The following LZTR1 variants were observed in gnomAD, a reference collection of about 807,000 sequenced individuals.
LZTR1 encodes leucine zipper like post translational regulator 1, also known as leucine-zipper-like transcriptional regulator 1.
Under a neutral mutation model 105.7 loss-of-function variants are expected in LZTR1, and 260 were observed. The observed-to-expected ratio is 2.46, with a 90% CI of 2.22 to 2.72. The LOEUF (loss-of-function observed/expected upper bound fraction) is 2.72. Among genes scored for constraint, LZTR1 ranks in the 30% most tolerant of loss-of-function variants. LZTR1 has a pLI of 0.00. For synonymous variants in LZTR1, 490 were observed against 476.4 expected (o/e 1.03, Z -0.37); for missense variants, 1,214 against 1,166.9 (o/e 1.04, Z -0.59).
In LZTR1 at chr22:20,990,397, TG is replaced by T; in HGVS notation, c.665del (p.Gly222AlafsTer30). 1.9e-6 allele frequency: 3 copies of T among 1,613,864 alleles called. No individual in the cohort carries two copies. Among genetic ancestry groups the T allele is most frequent in the Non-Finnish European group, 2.5e-6 (3 of 1,179,976 alleles). ...LTCWEEVAQSGEIPPSCCNFP... is the reference protein window; with the variant it reads ...LTCWEEVAQSXEIPPSCCNFP... ...CTCTCCCCCTGCAGGTGGCCCAGAGTGGCGAGATCCCCCCATCTTGCTGCAA... is the reference window on the plus strand; with the variant it reads ...CTCTCCCCCTGCAGGTGGCCCAGAGTGCGAGATCCCCCCATCTTGCTGCAA... On this transcript the variant is annotated frameshift_variant, in exon 8 of 21. Coordinates refer to ENST00000646124, the MANE Select transcript of LZTR1 (RefSeq NM_006767.4). LOFTEE classifies it high-confidence loss of function.
chr22:20,984,622 G>GGGGGT (rs1555927169), intron 2 of LZTR1, among the ~76,000 whole-genome samples: 3 of 132,884 alleles, frequency 2.3e-5, no homozygotes, highest in African/African-American at 2.8e-5. Context: ...GAGGGGGGGG[G>GGGGGT]GGCGGTATCA....
In LZTR1 at chr22:20,996,695, G is replaced by A; in HGVS notation, c.2220-1G>A. The A allele has an allele frequency of 6.2e-7, 1 of 1,613,346 alleles. No homozygotes were observed. On this transcript the variant is annotated splice_acceptor_variant, in intron 18 of 20. Coordinates refer to ENST00000646124, the MANE Select transcript of LZTR1 (RefSeq NM_006767.4). LOFTEE classifies it high-confidence loss of function. ...TAGTCAGCTCCTTAACCAGGCCCCA[G>A]CTACTTGTTTGCGGCCCCCTACTAC...
In LZTR1 at chr22:20,997,649, G is replaced by C. The variant is rs1190572312; in HGVS notation, c.*301G>C. The stretch of plus-strand genomic sequence containing the variant: ...GTGATGGGCTCACCACCCAGAAGTG[G>C]GGAGAGACTTTGGGCCTCCCACCCA... On this transcript the variant is annotated 3_prime_UTR_variant, in exon 21 of 21. Coordinates refer to ENST00000646124, the MANE Select transcript of LZTR1 (RefSeq NM_006767.4). The C allele has an allele frequency of 3.7e-6, 1 of 273,394 alleles. No homozygotes were observed. The highest frequency in any genetic ancestry group is 7.7e-5 in the East Asian group (1 of 13,020). 16.9% of individuals were successfully genotyped at this position (273,394 alleles called of 1,614,324 possible).
At chr22:20,984,098 C>G (rs1924291383) in intron 2 of LZTR1, among the ~76,000 whole-genome samples, 1 of 152,208 alleles carries the variant, frequency 6.6e-6, no homozygotes, top group Non-Finnish European at 1.5e-5. Context: ...CCTGCCCCTC[C>G]TCTGATGTTT....
chr22:20,995,290 C>T (rs178293), intron 16 of LZTR1: 88,724 of 671,008 alleles, frequency 0.13, 6,427 homozygotes, highest in East Asian at 0.16. Context: ...GCACCTCTTT[C>T]GGGCTAGGAT....
intron 6 of LZTR1, 75 bp downstream of exon 6, chr22:20,988,947 G>A: frequency 7.4e-7 from 1 of 1,343,566 alleles, no homozygotes; most frequent in South Asian, 1.2e-5. Flanking sequence ...TGGCATTTGA[G>A]GGCTTAGGCT....
chr22:20,993,434 T>C, intron 11 of LZTR1: 1 of 586,480 alleles, frequency 1.7e-6, no homozygotes, highest in East Asian at 2.8e-5. Context: ...AGGGGAGCCC[T>C]TTCCTGCTGT....
At chr22:20,994,040 G>A (rs1435420702) in intron 13 of LZTR1, 21 bp downstream of exon 13, 7 of 1,595,274 alleles carry the variant, frequency 4.4e-6, no homozygotes, top group Non-Finnish European at 6.0e-6. Context: ...TAACCGCCCT[G>A]CCCTGACCTG....
rs1924714419 is a variant in LZTR1 at position 20,994,111 on chromosome 22, A to T, written c.1457A>T (p.Glu486Val). 6.3e-7 allele frequency: 1 copy of T among 1,579,574 alleles called. No individual in the cohort carries two copies. Among genetic ancestry groups the T allele is most frequent in the Non-Finnish European group, 8.6e-7 (1 of 1,160,878 alleles). ...QARERLAQKLEQEAAPVPREA... is the reference protein window; with the variant it reads ...QARERLAQKLVQEAAPVPREA... ...GCTCCCTTCTCCCCACAGAAGCTGG[A>T]GCAGGAGGCCGCCCCAGTTCCCAGG... The change falls in exon 14 of 21, where the codon GAG becomes GTG. Residue 486 changes from glutamate to valine, a missense_variant. Transcript: ENST00000646124.
chr22:20,993,960 AC>A lies in LZTR1; in HGVS notation c.1391del (p.Thr464LysfsTer92). 1.2e-6 allele frequency: 2 copies of A among 1,612,796 alleles called. No homozygotes were observed. The highest frequency in any genetic ancestry group is 1.7e-6 in the Non-Finnish European group (2 of 1,179,902). ...ECVQGHVAIV[T>X]ARSRWLRRKI... ...CGTGCAGGGCCACGTAGCCATTGTC[AC>A]AGCGCGGAGCCGCTGGCTTCGCAGG... On this transcript the variant is annotated frameshift_variant, in exon 13 of 21. Coordinates refer to ENST00000646124, the MANE Select transcript of LZTR1 (RefSeq NM_006767.4). LOFTEE classifies it high-confidence loss of function.
At position 20,990,531 on chromosome 22, in the gene LZTR1, T is replaced by A. The variant is rs540691255; in HGVS notation, c.791+6T>A. On this transcript the variant is annotated splice_donor_region_variant and intron_variant, in intron 8 of 20. Transcript: ENST00000646124. ...TTTGAATTCAAGGACAAGACGTGAGTACTCTGGCCAGTGGGGTGGAGGGAG... is the reference window on the plus strand; with the variant it reads ...TTTGAATTCAAGGACAAGACGTGAGAACTCTGGCCAGTGGGGTGGAGGGAG... 1 of 1,605,036 alleles carries A rather than the reference T, an allele frequency of 6.2e-7. No homozygotes were observed. Among genetic ancestry groups the A allele is most frequent in the Non-Finnish European group, 8.5e-7 (1 of 1,174,274 alleles).
chr22:20,993,609 C>T (rs1924681452), intron 11 of LZTR1, 53 bp from the exon 12 acceptor site: 1 of 1,514,404 alleles, frequency 6.6e-7, no homozygotes, highest in Non-Finnish European at 9.1e-7. Context: ...CACAGCCACA[C>T]TGGGGCCACC....
At position 20,996,273 on chromosome 22, in the gene LZTR1, C is replaced by T. The variant is rs895790183; in HGVS notation, c.2219+161C>T. 49 of 772,694 alleles carry T rather than the reference C, an allele frequency of 6.3e-5. No individual in the cohort carries two copies. In the African/African-American group the frequency reaches 7.9e-4, roughly 12 times the overall value. The allele number at this position is 772,694 out of a possible 1,614,324, so 47.9% of individuals were successfully genotyped here. A position where few individuals can be genotyped will look rare whatever the true frequency, so the allele number is the denominator to read the frequency against. On this transcript the variant is annotated intron_variant, in intron 18 of 20. Transcript: ENST00000646124. Reference sequence around the variant, plus strand: ...TGCCTGGGGCTGGGCCTGGTGCTCTCTGAAGCAGTTGGCAGCTGGCAAGGA... The same window carrying T: ...TGCCTGGGGCTGGGCCTGGTGCTCTTTGAAGCAGTTGGCAGCTGGCAAGGA...
At chr22:20,986,096 C>A in intron 3 of LZTR1, 199 bp downstream of exon 3, 1 of 604,700 alleles carries the variant, frequency 1.7e-6, no homozygotes, top group Non-Finnish European at 2.9e-6. Context: ...CACCCCGCAC[C>A]TGCAGCTGCC....
rs769539981 is a variant in LZTR1 at position 20,994,572 on chromosome 22, G to C, written c.1630G>C (p.Val544Leu). ...KYPRKGHVED[V>L]LLIMDVYKLA... ...CTGGGGCGCAGGCCATGTGGAGGAT[G>C]TGCTGCTCATCATGGATGTGTACAA... is the stretch of plus-strand genomic sequence containing the variant. The change falls in exon 15 of 21, where the codon GTG (valine) becomes CTG (leucine). Residue 544 changes from valine to leucine, a missense_variant. Physicochemically the swap from Val to Leu is conservative, Grantham distance 32 (BLOSUM62 1). Coordinates refer to ENST00000646124, the MANE Select transcript of LZTR1 (RefSeq NM_006767.4). 1 of 1,610,804 alleles carries C rather than the reference G, an allele frequency of 6.2e-7. No individual in the cohort carries two copies. The highest frequency in any genetic ancestry group is 8.5e-7 in the Non-Finnish European group (1 of 1,179,912).
rs759363222 is a variant in LZTR1 at position 20,987,485 on chromosome 22, A to G, written c.321-19A>G. The G allele has an allele frequency of 6.6e-7, 1 of 1,523,656 alleles. No homozygotes were observed. Among genetic ancestry groups the G allele is most frequent in the Non-Finnish European group, 9.0e-7 (1 of 1,107,512 alleles). The allele number at this position is 1,523,656 out of a possible 1,614,324, so 94.4% of individuals were successfully genotyped here. A position where few individuals can be genotyped will look rare whatever the true frequency, so the allele number is the denominator to read the frequency against. On this transcript the variant is annotated intron_variant, in intron 3 of 20. Coordinates refer to ENST00000646124, the MANE Select transcript of LZTR1 (RefSeq NM_006767.4). ...TGGGTGACCCCCGCTGACTCTCACC[A>G]CCCCTGTGCCCACCCCAGGGCCTTT...
At chr22:20,990,324 A>C (rs1207548631) in intron 7 of LZTR1, 62 bp from the exon 8 acceptor site, 2 of 1,589,476 alleles carry the variant, frequency 1.3e-6, no homozygotes, top group East Asian at 4.5e-5. Context: ...AGCAGTCTCG[A>C]GTGTGGTGAA....
chr22:20,992,109 T>C (rs1924626986), intron 9 of LZTR1, 105 bp from the exon 10 acceptor site: 4 of 1,183,266 alleles, frequency 3.4e-6, no homozygotes, highest in Non-Finnish European at 4.8e-6. Context: ...CATGCAGCTC[T>C]TCCTTCTTTC....
At chr22:20,990,691 A>G (rs1447689565) in intron 8 of LZTR1, 166 bp downstream of exon 8, 2 of 696,236 alleles carry the variant, frequency 2.9e-6, no homozygotes, top group Non-Finnish European at 4.7e-6. Flanking sequence ...TGCCCCTGGC[A>G]GGTCCCCAGG....
Sources: gnomAD v4.1 joint callset for allele counts (sites outside exome capture counted in the v4.1 genomes callset) on GRCh38, gnomAD v4.1.1 for gene constraint, MANE v1.5 for transcripts, NCBI Gene and HGNC (gene_info 2026-07-23, HGNC 2026-07-21) for gene names.